BAZ2B: variants seen among roughly 807,000 people sequenced by gnomAD.
The protein encoded by BAZ2B is bromodomain adjacent to zinc finger domain 2B, also known as bromodomain adjacent to zinc finger domain protein 2B.
BAZ2B carries 91 observed loss-of-function variants against 246.0 expected under a neutral mutation model. The observed-to-expected ratio is 0.37, with a 90% confidence interval of 0.31 to 0.44. The LOEUF (loss-of-function observed/expected upper bound fraction) is 0.44, where lower values mean the gene tolerates loss of function less well. Ranked by LOEUF, BAZ2B falls within the 20% of genes least tolerant of loss-of-function variation. BAZ2B has a pLI of 1.00. For synonymous variants in BAZ2B, 855 were observed against 860.0 expected (o/e 0.99, Z 0.10); for missense variants, 2,332 against 2,533.7 (o/e 0.92, Z 1.71).
chr2:159,581,055 C>A (rs11675515), intron 1 of BAZ2B, among the ~76,000 whole-genome samples: 11,597 of 151,806 alleles, frequency 0.076, 579 homozygotes, highest in East Asian at 0.22. Flanking sequence ...ACAAAAGCCA[C>A]AATTGACAAA....
At chr2:159,414,949 T>C (rs1485678418) in intron 13 of BAZ2B, among the ~76,000 whole-genome samples, 1 of 152,162 alleles carries the variant, frequency 6.6e-6, no homozygotes, top group African/African-American at 2.4e-5. Context: ...CCTTATCTTT[T>C]AGAGACACAA....
chr2:159,430,867 G>A lies in BAZ2B; in HGVS notation c.2190C>T (p.His730=), dbSNP rs2070977008. The A allele has an allele frequency of 6.2e-7, 1 of 1,613,052 alleles. No homozygotes were observed. The highest frequency in any genetic ancestry group is 1.3e-5 in the African/African-American group (1 of 74,878). The change falls in exon 10 of 37, where the codon CAC becomes CAT. Residue 730 remains histidine (H), a synonymous_variant. Coordinates refer to ENST00000392783, the MANE Select transcript of BAZ2B (RefSeq NM_013450.4). ...TSSSTLTSSP[H]SGTSKRRRVT... ...ATAAAAATAAAGTGTAGGTACCAGA[G>A]TGTGGGCTTGAAGTAAGTGTGGAAG... is the stretch of plus-strand genomic sequence containing the variant.
upstream of BAZ2B, among the ~76,000 whole-genome samples, chr2:159,619,234 A>G (rs1696331300): frequency 6.6e-6 from 1 of 152,010 alleles, no homozygotes; most frequent in Non-Finnish European, 1.5e-5. Flanking sequence ...CTGGAGCCAT[A>G]TACAACCCAA....
intron 1 of BAZ2B, among the ~76,000 whole-genome samples, chr2:159,583,577 T>C (rs1355940017): frequency 1.3e-5 from 2 of 152,200 alleles, no homozygotes; most frequent in Non-Finnish European, 2.9e-5. Flanking sequence ...ATGGCATTCA[T>C]TCATTCCATA....
At chr2:159,454,833 A>G (rs1166581464) in intron 3 of BAZ2B, among the ~76,000 whole-genome samples, 4 of 152,218 alleles carry the variant, frequency 2.6e-5, no homozygotes, top group Admixed American at 1.3e-4. Flanking sequence ...ACAATGTTCA[A>G]TTCAAATGAG....
At chr2:159,394,626 C>T (rs1400245482) in intron 20 of BAZ2B, among the ~76,000 whole-genome samples, 5 of 152,074 alleles carry the variant, frequency 3.3e-5, no homozygotes, top group Admixed American at 6.6e-5. Context: ...GTCAGTAGTT[C>T]GCAACCTGGG....
At chr2:159,474,754 G>A (rs1005294246) in intron 3 of BAZ2B, among the ~76,000 whole-genome samples, 1 of 152,100 alleles carries the variant, frequency 6.6e-6, no homozygotes, top group African/African-American at 2.4e-5. Flanking sequence ...CAGGACTGGT[G>A]GTAACAAAAT....
At chr2:159,670,409 T>G in the BAZ2B span, among the ~76,000 whole-genome samples, 1 of 152,190 alleles carries the variant, frequency 6.6e-6, no homozygotes, top group Non-Finnish European at 1.5e-5. Flanking sequence ...TCTCTGATCT[T>G]TCAGAGTTCA....
chr2:159,412,198 T>G (rs1259677987), intron 14 of BAZ2B, 137 bp downstream of exon 14: 52 of 974,820 alleles, frequency 5.3e-5, no homozygotes, highest in Non-Finnish European at 7.7e-5. Context: ...GACTCCTTAT[T>G]TTTTCATTTT....
At chr2:159,472,391 G>C (rs1453039592) in intron 3 of BAZ2B, among the ~76,000 whole-genome samples, 6 of 152,214 alleles carry the variant, frequency 3.9e-5, no homozygotes, top group Admixed American at 3.9e-4. Flanking sequence ...TCTGCAAACA[G>C]AGACAATTTG....
chr2:159,333,445 C>G (rs2065113041), intron 33 of BAZ2B, among the ~76,000 whole-genome samples: 1 of 152,064 alleles, frequency 6.6e-6, no homozygotes, highest in Non-Finnish European at 1.5e-5. Context: ...AAAAAGAAGA[C>G]TTTTTCCATG....
intron 3 of BAZ2B, chr2:159,461,969 C>A (rs2076457028): frequency 6.1e-6 from 1 of 164,548 alleles, no homozygotes; most frequent in Admixed American, 6.0e-5. Flanking sequence ...GACTGTAGTA[C>A]AGCCTCTTTA....
chr2:159,430,843 TA>T lies in BAZ2B; in HGVS notation c.2194+19del. ...TGGTTTGACTTCTACTTTAGAATAA[TA>T]AAAATAAAGTGTAGGTACCAGAGTG... On this transcript the variant is annotated intron_variant, in intron 10 of 36. Transcript: ENST00000392783. 11 of 1,591,310 alleles carry T rather than the reference TA, an allele frequency of 6.9e-6. No homozygotes were observed. The highest frequency in any genetic ancestry group is 9.4e-6 in the Non-Finnish European group (11 of 1,171,508).
intron 3 of BAZ2B, among the ~76,000 whole-genome samples, chr2:159,455,050 A>G (rs1261796601): frequency 3.3e-5 from 5 of 152,146 alleles, no homozygotes; most frequent in Admixed American, 6.5e-5. Context: ...GGTTATCTTA[A>G]GAATTTACTG....
intron 3 of BAZ2B, among the ~76,000 whole-genome samples, chr2:159,457,202 ATGAG>A (rs1307085498): frequency 1.3e-5 from 2 of 152,200 alleles, no homozygotes; most frequent in African/African-American, 4.8e-5. Flanking sequence ...GCCTACAAGG[ATGAG>A]TAAGACAATC....
At chr2:159,687,980 AT>A in the BAZ2B span, among the ~76,000 whole-genome samples, 2 of 152,098 alleles carry the variant, frequency 1.3e-5, no homozygotes, top group African/African-American at 4.8e-5. Flanking sequence ...TACAGGACAA[AT>A]TTTTTCTTTT....
chr2:159,395,134 T>C (rs1292350984), intron 20 of BAZ2B, among the ~76,000 whole-genome samples: 4 of 152,152 alleles, frequency 2.6e-5, no homozygotes. Context: ...AGCAAATTGG[T>C]GGCAGAACCA....
chr2:159,363,243 C>A (rs909767241), intron 27 of BAZ2B, among the ~76,000 whole-genome samples: 2 of 152,102 alleles, frequency 1.3e-5, no homozygotes. Flanking sequence ...ATACGTATTA[C>A]CATTGGGGTG....
chr2:159,355,183 A>C (rs2058969906), intron 27 of BAZ2B, among the ~76,000 whole-genome samples: 1 of 152,210 alleles, frequency 6.6e-6, no homozygotes, highest in Non-Finnish European at 1.5e-5. Flanking sequence ...TATAGAGTAC[A>C]GGTTGAAGAG....
Sources: allele counts gnomAD v4.1 joint callset (sites outside exome capture counted in the v4.1 genomes callset), GRCh38; gene constraint gnomAD v4.1.1; transcripts MANE v1.5; gene names NCBI Gene and HGNC (gene_info 2026-07-23, HGNC 2026-07-21).